The following APPL1 variants were observed in gnomAD, a reference collection of about 807,000 sequenced individuals.
APPL1 encodes the protein DCC-interacting protein 13-alpha.
APPL1 carries 42 observed loss-of-function variants against 106.8 expected under a neutral mutation model. That is an observed-to-expected ratio of 0.39 (90% CI 0.31 to 0.51). The LOEUF is 0.51. Ranked by LOEUF, APPL1 falls within the 20% of genes least tolerant of loss-of-function variation. APPL1 has a pLI of 0.75. For missense variants in APPL1, 769 were observed against 858.2 expected (o/e 0.90, Z 1.30); for synonymous variants, 263 against 281.8 (o/e 0.93, Z 0.67).
rs769152501 is a variant in APPL1 at position 57,259,937 on chromosome 3, C to T, written c.1576C>T (p.Arg526Cys). The change falls in exon 17 of 22, where the codon CGC becomes TGC. Residue 526 changes from arginine (R) to cysteine (C), a missense_variant. Physicochemically the swap from Arg to Cys is radical, Grantham distance 180 (BLOSUM62 -3). Coordinates refer to ENST00000288266, the MANE Select transcript of APPL1 (RefSeq NM_012096.3). ...TCCAGATGTTGTTTATGAAACTATG[C>T]GCCAAATCTTAGCTGCCCGGGCCAT... ...DHPDVVYETM[R>C]QILAARAIHN... The T allele has an allele frequency of 9.9e-6, 16 of 1,613,690 alleles. No individual in the cohort carries two copies. The African/African-American group carries it at 1.2e-4, about 12-fold the overall frequency.
rs192837390 is a variant in APPL1 at position 57,234,690 on chromosome 3, C to T, written c.55-876C>T. Among the ~76,000 whole-genome samples the T allele has an allele frequency of 1.1e-4, 16 of 151,976 alleles. No homozygotes were observed. The East Asian group carries it at 2.7e-3, about 26-fold the overall frequency. Reference sequence around the variant, plus strand: ...ATTTTGAGACAGAGTCTTGCTTTGTCGCCCGCCCAGGCTGAAGTGCAGTGG... The same window carrying T: ...ATTTTGAGACAGAGTCTTGCTTTGTTGCCCGCCCAGGCTGAAGTGCAGTGG... On this transcript the variant is annotated intron_variant, in intron 1 of 21. Transcript: ENST00000288266.
chr3:57,260,487 T>C, intron 18 of APPL1, 141 bp from the exon 19 acceptor site: 2 of 724,356 alleles, frequency 2.8e-6, no homozygotes, highest in East Asian at 6.2e-5. Context: ...TACTTGTTTC[T>C]GCATTACAAG....
At chr3:57,239,761 A>T (rs987396941) in intron 4 of APPL1, among the ~76,000 whole-genome samples, 7 of 152,334 alleles carry the variant, frequency 4.6e-5, no homozygotes, top group African/African-American at 1.7e-4. Context: ...AAACCACCAA[A>T]CTGTTTTCTA....
At chr3:57,238,765 T>G (rs1455631207) in intron 4 of APPL1, among the ~76,000 whole-genome samples, 4 of 152,194 alleles carry the variant, frequency 2.6e-5, no homozygotes, top group African/African-American at 9.7e-5. Context: ...ATAATGTAAT[T>G]TTTTTCATTT....
rs760692355 is a variant in APPL1, at chr3:57,257,030, A to C, written c.1226A>C (p.Glu409Ala). 3 of 1,614,220 alleles carry C rather than the reference A, an allele frequency of 1.9e-6. No individual in the cohort carries two copies. The highest frequency in any genetic ancestry group is 2.5e-6 in the Non-Finnish European group (3 of 1,180,030). ...TCCCCATCTTTCCAGCAGAGGCACGAGAGCCTGCGGCCAGCAGCAGGGTAA... is the reference window on the plus strand; with the variant it reads ...TCCCCATCTTTCCAGCAGAGGCACGCGAGCCTGCGGCCAGCAGCAGGGTAA... ...TPSPSFQQRH[E>A]SLRPAAGQSR... The change falls in exon 14 of 22, where the codon GAG (glutamate) becomes GCG (alanine). Residue 409 changes from glutamate (E) to alanine (A), a missense_variant. Transcript: ENST00000288266.
At chr3:57,251,524 CAAAAA>C (rs75189556) in intron 11 of APPL1, among the ~76,000 whole-genome samples, 2 of 70,932 alleles carry the variant, frequency 2.8e-5, no homozygotes, top group Non-Finnish European at 6.2e-5. Flanking sequence ...GACTTTGTCT[CAAAAA>C]AAAAAAAAAA....
chr3:57,244,059 G>T (rs1314382945), intron 7 of APPL1, among the ~76,000 whole-genome samples: 1 of 152,060 alleles, frequency 6.6e-6, no homozygotes, highest in African/African-American at 2.4e-5. Flanking sequence ...AATTAACTCT[G>T]TTATTAGTTA....
rs1441534889 is a variant in APPL1, at chr3:57,248,041, C to G, written c.705-152C>G. The G allele has an allele frequency of 4.3e-6, 3 of 694,202 alleles. No homozygotes were observed. In the African/African-American group the frequency reaches 5.4e-5, roughly 12 times the overall value. The allele number at this position is 694,202 out of a possible 1,614,324, so 43.0% of individuals were successfully genotyped here. On this transcript the variant is annotated intron_variant, in intron 9 of 21. Transcript: ENST00000288266. ...TCTAAGTTTCAAATAAACTGTAAAC[C>G]TGTTTTAAAATATATTCGTGTTGTT...
intron 19 of APPL1, among the ~76,000 whole-genome samples, chr3:57,262,411 G>A (rs78880755): frequency 6.5e-4 from 1 of 1,532 alleles, no homozygotes; most frequent in East Asian, 0.012. Context: ...TTTTTTTTTT[G>A]AGACAGACTC....
intron 14 of APPL1, 74 bp downstream of exon 14, chr3:57,257,125 G>C (rs1225272480): frequency 1.9e-6 from 3 of 1,563,470 alleles, no homozygotes; most frequent in Non-Finnish European, 2.6e-6. Flanking sequence ...GATTATGTTT[G>C]TACTGAAACT....
rs1403667759 is a variant in APPL1 at position 57,246,368 on chromosome 3, T to G, written c.621+146T>G. 3 of 563,038 alleles carry G rather than the reference T, an allele frequency of 5.3e-6. No homozygotes were observed. In the African/African-American group the frequency reaches 5.9e-5, roughly 11 times the overall value. 34.9% of individuals were successfully genotyped at this position (563,038 alleles called of 1,614,324 possible). ...TTAAGAAGTTATTTTTAAAATGTCA[T>G]CAGACTATTATTTTAAGGAAGTTAG... On this transcript the variant is annotated intron_variant, in intron 8 of 21. Transcript: ENST00000288266.
intron 4 of APPL1, 33 bp from the exon 5 acceptor site, chr3:57,240,432 G>C (rs777237486): frequency 1.3e-6 from 2 of 1,534,612 alleles, no homozygotes; most frequent in South Asian, 1.1e-5. Flanking sequence ...TCTGTGTATA[G>C]TTATTTGGCC....
rs1429264945 is a variant in APPL1 at position 57,273,064 on chromosome 3, T to G, written c.*3377T>G. 6.6e-6 allele frequency: 1 copy of G among 152,480 alleles called. No individual in the cohort carries two copies. Among genetic ancestry groups the G allele is most frequent in the East Asian group, 1.9e-4 (1 of 5,204 alleles). The allele number at this position is 152,480 out of a possible 1,614,324, so 9.4% of individuals were successfully genotyped here. On this transcript the variant is annotated 3_prime_UTR_variant, in exon 22 of 22. Coordinates refer to ENST00000288266, the MANE Select transcript of APPL1 (RefSeq NM_012096.3). ...TCTTTCTACATTAACTAGTAAGACA[T>G]AAAGATTTGAAACTGGAACTATATT... is the stretch of plus-strand genomic sequence containing the variant.
At chr3:57,240,677 C>T (rs1170953833) in intron 5 of APPL1, 125 bp downstream of exon 5, 3 of 778,056 alleles carry the variant, frequency 3.9e-6, no homozygotes, top group Non-Finnish European at 4.2e-6. Flanking sequence ...TGCTCAGTTA[C>T]CAAACATTTA....
chr3:57,242,312 A>G (rs1179909134), intron 6 of APPL1, among the ~76,000 whole-genome samples, 170 bp downstream of exon 6: 7 of 152,200 alleles, frequency 4.6e-5, no homozygotes, highest in African/African-American at 1.7e-4. Flanking sequence ...AGTGTAATTT[A>G]AGAAAAATCT....
intron 11 of APPL1, among the ~76,000 whole-genome samples, chr3:57,251,196 A>T (rs979412825): frequency 6.6e-6 from 1 of 151,522 alleles, no homozygotes; most frequent in Non-Finnish European, 1.5e-5. Context: ...AAGATATTAT[A>T]AAAATAAATA....
chr3:57,273,174 G>T lies in APPL1; in HGVS notation c.*3487G>T, dbSNP rs1382418915. ...CTGGGGGTTAAGTTGTAACTAATAT[G>T]CAAAATTGCTTTGTATATTTGGTGA... On this transcript the variant is annotated 3_prime_UTR_variant, in exon 22 of 22. Transcript: ENST00000288266. 1.3e-5 allele frequency: 2 copies of T among 152,584 alleles called. No individual in the cohort carries two copies. The highest frequency in any genetic ancestry group is 2.9e-5 in the Non-Finnish European group (2 of 68,026). The allele number at this position is 152,584 out of a possible 1,614,324, so 9.5% of individuals were successfully genotyped here. A position where few individuals can be genotyped will look rare whatever the true frequency, so the allele number is the denominator to read the frequency against.
chr3:57,262,174 A>G (rs990645111), intron 19 of APPL1, among the ~76,000 whole-genome samples: 2 of 151,906 alleles, frequency 1.3e-5, no homozygotes, highest in Non-Finnish European at 2.9e-5. Flanking sequence ...TTGGATGAAC[A>G]GTTTGCAAAT....
In APPL1 at chr3:57,248,628, G is replaced by GAAA. The variant is rs371611930; in HGVS notation, c.863+277_863+278insAAA. On this transcript the variant is annotated intron_variant, in intron 10 of 21. Transcript: ENST00000288266. ...CTCACGCCTGTGATCCCAGCACTTT[G>GAAA]GGAGGCTGAGGCGGGCGGATCACCT... Among the ~76,000 whole-genome samples, 416 of 152,300 alleles carry GAAA rather than the reference G, an allele frequency of 2.7e-3. 1 individual carries two copies. The highest frequency in any genetic ancestry group is 9.6e-3 in the African/African-American group (398 of 41,562).
Sources: gnomAD v4.1 joint callset for allele counts (sites outside exome capture counted in the v4.1 genomes callset) on GRCh38, gnomAD v4.1.1 for gene constraint, MANE v1.5 for transcripts, NCBI Gene and HGNC (gene_info 2026-07-23, HGNC 2026-07-21) for gene names.